ATP2C1: variants seen among roughly 807,000 people sequenced by gnomAD.
ATP2C1 encodes the protein calcium-transporting ATPase type 2C member 1.
Under a neutral mutation model 120.5 loss-of-function variants are expected in ATP2C1, and 31 were observed. That is an observed-to-expected ratio of 0.26 (90% CI 0.19 to 0.35). The LOEUF (loss-of-function observed/expected upper bound fraction) is 0.35. Among genes scored for constraint, ATP2C1 ranks in the 10% least tolerant of loss-of-function variants. ATP2C1 has a pLI of 1.00. For synonymous variants in ATP2C1, 351 were observed against 358.7 expected (o/e 0.98, Z 0.24); for missense variants, 731 against 1,107.5 (o/e 0.66, Z 4.83).
intron 1 of ATP2C1, among the ~76,000 whole-genome samples, chr3:130,879,658 G>A (rs200236872): frequency 6.6e-5 from 10 of 152,140 alleles, no homozygotes; most frequent in East Asian, 3.9e-4. Flanking sequence ...TGGTGTAACC[G>A]TTGTTTTCTT....
chr3:130,851,818 A>C (rs2067686326), intron 1 of ATP2C1, among the ~76,000 whole-genome samples: 1 of 152,184 alleles, frequency 6.6e-6, no homozygotes, highest in Non-Finnish European at 1.5e-5. Context: ...TTGTGCTTGT[A>C]ACTAGAACTG....
At chr3:130,978,008 A>G (rs893590912) in intron 18 of ATP2C1, among the ~76,000 whole-genome samples, 1 of 152,208 alleles carries the variant, frequency 6.6e-6, no homozygotes, top group African/African-American at 2.4e-5. Context: ...CACTGGTGCT[A>G]AAGAAGCAAA....
At chr3:130,933,289 C>T (rs920671500) in intron 4 of ATP2C1, among the ~76,000 whole-genome samples, 1 of 152,132 alleles carries the variant, frequency 6.6e-6, no homozygotes, top group African/African-American at 2.4e-5. Context: ...CTGCAGCCTG[C>T]CATCCATCAA....
intron 1 of ATP2C1, among the ~76,000 whole-genome samples, chr3:130,872,271 A>G (rs1359860477): frequency 1.3e-5 from 2 of 152,244 alleles, no homozygotes; most frequent in East Asian, 3.9e-4. Context: ...TTTTTTCCCT[A>G]GCCCTTACTC....
At chr3:130,853,539 TC>T (rs2067743151) in intron 1 of ATP2C1, among the ~76,000 whole-genome samples, 1 of 152,158 alleles carries the variant, frequency 6.6e-6, no homozygotes. Context: ...TTAAATGAAC[TC>T]CCCCCTCTAG....
At chr3:130,941,450 A>G (rs1006458946) in intron 7 of ATP2C1, 141 bp from the exon 8 acceptor site, 13 of 686,320 alleles carry the variant, frequency 1.9e-5, no homozygotes, top group African/African-American at 1.3e-4. Flanking sequence ...TCATCTTGGC[A>G]TCTTAAGTGT....
intron 18 of ATP2C1, among the ~76,000 whole-genome samples, chr3:130,975,971 G>C (rs2061514683): frequency 6.6e-6 from 1 of 152,140 alleles, no homozygotes; most frequent in Non-Finnish European, 1.5e-5. Context: ...GTGATGGGGA[G>C]AGGGTCTGCT....
intron 1 of ATP2C1, among the ~76,000 whole-genome samples, chr3:130,879,649 G>A (rs542742848): frequency 6.6e-6 from 1 of 152,116 alleles, no homozygotes; most frequent in African/African-American, 2.4e-5. Flanking sequence ...CTGTGCATCT[G>A]GTGTAACCGT....
chr3:130,890,726 AG>A (rs1347764808), upstream of ATP2C1, among the ~76,000 whole-genome samples: 7 of 152,234 alleles, frequency 4.6e-5, no homozygotes, highest in Non-Finnish European at 1.0e-4. Flanking sequence ...GGAACTAGGC[AG>A]ATTTATAGCA....
At chr3:130,991,138 A>C (rs945759072) in intron 20 of ATP2C1, among the ~76,000 whole-genome samples, 1 of 152,160 alleles carries the variant, frequency 6.6e-6, no homozygotes, top group African/African-American at 2.4e-5. Context: ...TCCAACATCT[A>C]GGCATCAAGA....
intron 26 of ATP2C1, chr3:131,014,367 A>T: frequency 6.2e-7 from 1 of 1,602,514 alleles, no homozygotes; most frequent in South Asian, 1.1e-5. Context: ...TAGTCCGTGC[A>T]CCAGGCTTCC....
intron 1 of ATP2C1, among the ~76,000 whole-genome samples, chr3:130,884,353 T>C (rs985521822): frequency 2.6e-5 from 4 of 152,248 alleles, no homozygotes; most frequent in Non-Finnish European, 4.4e-5. Flanking sequence ...TTTTATTCCA[T>C]TGTGGTCAGA....
intron 8 of ATP2C1, among the ~76,000 whole-genome samples, chr3:130,948,389 T>A (rs1489946884): frequency 1.3e-5 from 2 of 152,128 alleles, no homozygotes; most frequent in Admixed American, 1.3e-4. Context: ...CTTTTTGGCC[T>A]CTGTGGTTTC....
intron 8 of ATP2C1, among the ~76,000 whole-genome samples, chr3:130,951,390 C>T (rs2060363056): frequency 1.3e-5 from 2 of 152,070 alleles, no homozygotes; most frequent in Non-Finnish European, 1.5e-5. Flanking sequence ...ATAGTAATTA[C>T]TTGCCTCATA....
In ATP2C1 at chr3:130,980,581, G is replaced by A. The variant is rs1240359995; in HGVS notation, c.1742-1G>A. ...TACATTTTCTCTCTCATTTGCTTTA[G>A]CCAGTCGTCTGGGATTGTATTCCAA... On this transcript the variant is annotated splice_acceptor_variant, in intron 19 of 27. Coordinates refer to ENST00000510168, the MANE Select transcript of ATP2C1 (RefSeq NM_001378687.1). LOFTEE classifies it high-confidence loss of function. The A allele has an allele frequency of 6.2e-7, 1 of 1,611,532 alleles. No individual in the cohort carries two copies. Among genetic ancestry groups the A allele is most frequent in the African/African-American group, 1.3e-5 (1 of 74,810 alleles).
chr3:130,916,258 A>C (rs1455880749), intron 2 of ATP2C1, among the ~76,000 whole-genome samples: 2 of 151,468 alleles, frequency 1.3e-5, no homozygotes, highest in South Asian at 2.1e-4. Flanking sequence ...AAAAAAAAAA[A>C]ACAAAAAATT....
chr3:130,890,827 TTTATC>T (rs1232449403), upstream of ATP2C1, among the ~76,000 whole-genome samples: 2 of 152,202 alleles, frequency 1.3e-5, no homozygotes, highest in African/African-American at 4.8e-5. Context: ...TAGCATGTCC[TTTATC>T]TTATAAGAAG....
At chr3:130,935,185 C>T (rs1180163171) in intron 5 of ATP2C1, among the ~76,000 whole-genome samples, 1 of 152,014 alleles carries the variant, frequency 6.6e-6, no homozygotes, top group Non-Finnish European at 1.5e-5. Flanking sequence ...GTTCAAAAGT[C>T]CATGATTAGC....
chr3:130,955,732 G>A lies in ATP2C1; in HGVS notation c.757-372G>A, dbSNP rs556617799. 1.9e-4 allele frequency: 44 copies of A among 229,404 alleles called. 1 individual carries two copies. Among genetic ancestry groups the A allele is most frequent in the African/African-American group, 9.3e-4 (40 of 43,102 alleles). The allele number at this position is 229,404 out of a possible 1,614,324, so 14.2% of individuals were successfully genotyped here. ...GAGGATTAAAAGACCTGGGTTACTA[G>A]CATGTTTGTGGATACCAAAAGGGAA... On this transcript the variant is annotated intron_variant, in intron 10 of 27. Coordinates refer to ENST00000510168, the MANE Select transcript of ATP2C1 (RefSeq NM_001378687.1).
Sources: allele counts gnomAD v4.1 joint callset (sites outside exome capture counted in the v4.1 genomes callset), GRCh38; gene constraint gnomAD v4.1.1; transcripts MANE v1.5; gene names NCBI Gene and HGNC (gene_info 2026-07-23, HGNC 2026-07-21).